Variants in PLEKHG4B observed in about 807,000 individuals in gnomAD.
The protein encoded by PLEKHG4B is pleckstrin homology and RhoGEF domain containing G4B.
A neutral mutation model predicts 121.3 loss-of-function variants in PLEKHG4B; 111 were observed. The ratio of observed to expected loss-of-function variants is 0.92; its 90% CI spans 0.78 to 1.07. The LOEUF (loss-of-function observed/expected upper bound fraction) is 1.07. Ranked by LOEUF, PLEKHG4B falls within the 50% of genes least tolerant of loss-of-function variation. PLEKHG4B has a pLI of 0.00. For synonymous variants in PLEKHG4B, 738 were observed against 725.0 expected (o/e 1.02, Z -0.29); for missense variants, 1,831 against 1,757.8 (o/e 1.04, Z -0.74).
At chr5:135,430 G>A (rs1191604987) in intron 2 of PLEKHG4B, among the ~76,000 whole-genome samples, 1 of 150,250 alleles carries the variant, frequency 6.7e-6, no homozygotes, top group Non-Finnish European at 1.5e-5. Flanking sequence ...ACTTTGGGAG[G>A]CCGAGGTGGC....
Position 137,333 on chromosome 5 carries a change from G to GA in PLEKHG4B, c.244-2149dup, listed in dbSNP as rs1290057485. Among the ~76,000 whole-genome samples, 1 of 152,180 alleles carries GA rather than the reference G, an allele frequency of 6.6e-6. No homozygotes were observed. Among genetic ancestry groups the GA allele is most frequent in the Admixed American group, 6.5e-5 (1 of 15,280 alleles). ...GATGGAAAGTTCTGGAGATGGTGGT[G>GA]ATGGTTACATAACCGTGTGAATGTA... On this transcript the variant is annotated intron_variant, in intron 2 of 19. Transcript: ENST00000637938. The surrounding 1 kb of genome is among the most constrained non-coding windows in gnomAD (Gnocchi z 4.2).
chr5:139,210 T>G lies in PLEKHG4B; in HGVS notation c.244-273T>G, dbSNP rs1258439957. Among the ~76,000 whole-genome samples the G allele has an allele frequency of 6.6e-6, 1 of 152,204 alleles. No individual in the cohort carries two copies. The highest frequency in any genetic ancestry group is 1.5e-5 in the Non-Finnish European group (1 of 68,034). ...CTGTGGCTGTGGCCCTCGAGTGGCC[T>G]CCTCTCCCCTGTCCTGCCCACCTAC... On this transcript the variant is annotated intron_variant, in intron 2 of 19. Transcript: ENST00000637938. This position sits in a 1 kb window ranked among gnomAD's most constrained non-coding sequence, Gnocchi z 5.0.
Position 154,246 on chromosome 5 carries a change from C to T in PLEKHG4B, c.1993-629C>T, listed in dbSNP as rs529792233. Among the ~76,000 whole-genome samples, 18 of 152,286 alleles carry T rather than the reference C, an allele frequency of 1.2e-4. No individual in the cohort carries two copies. In the South Asian group the frequency reaches 3.3e-3, roughly 28 times the overall value. The stretch of plus-strand genomic sequence containing the variant: ...TCCTCGATCTCCTGACCTCATTATC[C>T]GCCTGCCTCGGCCTCCCAAAGTGCT... On this transcript the variant is annotated intron_variant, in intron 7 of 19. Transcript: ENST00000637938.
chr5:137,051 A>G lies in PLEKHG4B; in HGVS notation c.244-2432A>G, dbSNP rs114718493. 6.0e-3 allele frequency among the ~76,000 whole-genome samples: 920 copies of G among 152,340 alleles called. 6 individuals carry two copies. The highest frequency in any genetic ancestry group is 0.017 in the South Asian group (82 of 4,824). On this transcript the variant is annotated intron_variant, in intron 2 of 19. Transcript: ENST00000637938. The surrounding 1 kb of genome is among the most constrained non-coding windows in gnomAD (Gnocchi z 4.2). ...GGATGAATGGATAGCAAAATATAGT[A>G]TGTACACGCAATGGAAGATTATGCA...
At chr5:96,574 T>A (rs534523699) in intron 1 of PLEKHG4B, among the ~76,000 whole-genome samples, 1 of 152,252 alleles carries the variant, frequency 6.6e-6, no homozygotes, top group Non-Finnish European at 1.5e-5. Context: ...TGAGTTTTCT[T>A]TATGGATTGT....
intron 2 of PLEKHG4B, among the ~76,000 whole-genome samples, chr5:118,026 C>T (rs1734353688): frequency 6.6e-6 from 1 of 152,056 alleles, no homozygotes; most frequent in Non-Finnish European, 1.5e-5. Context: ...AAGTAAAAAG[C>T]ACAATGTCTG....
chr5:111,334 G>T (rs1160627366), intron 1 of PLEKHG4B, among the ~76,000 whole-genome samples: 1 of 152,258 alleles, frequency 6.6e-6, no homozygotes, highest in African/African-American at 2.4e-5. Flanking sequence ...GGCCCCAGTG[G>T]GAGTCATCCT....
Position 169,541 on chromosome 5 carries a change from G to A in PLEKHG4B, c.3678G>A (p.Leu1226=). 1.9e-6 allele frequency: 3 copies of A among 1,613,970 alleles called. No homozygotes were observed. The highest frequency in any genetic ancestry group is 1.7e-6 in the Non-Finnish European group (2 of 1,180,050). ...DFHQQHFLRE[L]ERCQHCPLAV... is the part of the protein sequence containing the mutation. ...ACCAGCAGCACTTCCTCCGGGAGCT[G>A]GAGCGCTGCCAGCACTGCCCCTTGG... Residue 1226 remains leucine (L), a synonymous_variant, in exon 14 of 20, where the codon CTG becomes CTA. Transcript: ENST00000637938.
intron 1 of PLEKHG4B, among the ~76,000 whole-genome samples, chr5:110,155 G>A (rs12522084): frequency 0.22 from 27,075 of 122,374 alleles, 3,478 homozygotes; most frequent in African/African-American, 0.42. Context: ...CACACATCCA[G>A]TCTGCAACAC....
intron 13 of PLEKHG4B, among the ~76,000 whole-genome samples, chr5:167,472 C>T (rs1579318775): frequency 7.1e-6 from 1 of 140,492 alleles, no homozygotes; most frequent in East Asian, 1.9e-4. Context: ...CCATTGGTAT[C>T]ATCAGGATCG....
At chr5:110,223 ATGCACACAC>A (rs1734103619) in intron 1 of PLEKHG4B, among the ~76,000 whole-genome samples, 2 of 136,420 alleles carry the variant, frequency 1.5e-5, no homozygotes, top group Admixed American at 7.4e-5. Flanking sequence ...TCTGCAACAC[ATGCACACAC>A]CGGCCACTCT....
intron 2 of PLEKHG4B, among the ~76,000 whole-genome samples, chr5:121,588 G>A (rs1211802235): frequency 6.6e-6 from 1 of 152,172 alleles, no homozygotes; most frequent in Non-Finnish European, 1.5e-5. Context: ...CTGAATCCAG[G>A]AAGCTCGTCA....
chr5:147,036 A>G (rs1735443234), intron 6 of PLEKHG4B, among the ~76,000 whole-genome samples: 1 of 152,198 alleles, frequency 6.6e-6, no homozygotes, highest in Admixed American at 6.5e-5. Context: ...ACTCCCTGAC[A>G]GGGTGGCTGG....
intron 1 of PLEKHG4B, among the ~76,000 whole-genome samples, chr5:106,446 A>G (rs1007351233): frequency 6.6e-6 from 1 of 152,226 alleles, no homozygotes; most frequent in Non-Finnish European, 1.5e-5. Flanking sequence ...ATGCAGAGTT[A>G]TATTAAAATA....
chr5:133,205 G>A (rs1250533338), intron 2 of PLEKHG4B, among the ~76,000 whole-genome samples: 1 of 152,180 alleles, frequency 6.6e-6, no homozygotes, highest in African/African-American at 2.4e-5. Flanking sequence ...CATTGTTAGT[G>A]TGTAGTAGAG....
intron 1 of PLEKHG4B, among the ~76,000 whole-genome samples, chr5:94,613 G>A (rs1733577827): frequency 1.3e-5 from 2 of 151,914 alleles, no homozygotes; most frequent in South Asian, 4.2e-4. Flanking sequence ...GGGGTTGAGA[G>A]GTGGCAGGTT....
rs1736528474 is a variant in PLEKHG4B at position 171,073 on chromosome 5, A to C, written c.3760A>C (p.Ser1254Arg). ...GCAGTTTGGGATGTACGTGATCTAC[A>C]GCAAAAACAAGCCGCAGTCGGATGC... ...EEQFGMYVIY[S>R]KNKPQSDALL... Residue 1254 changes from serine to arginine, a missense_variant, in exon 15 of 20, where the codon AGC (serine) becomes CGC (arginine). Ser to Arg is a moderately radical substitution (Grantham distance 110). Transcript: ENST00000637938. 2 of 1,613,096 alleles carry C rather than the reference A, an allele frequency of 1.2e-6. No homozygotes were observed. The highest frequency in any genetic ancestry group is 1.7e-6 in the Non-Finnish European group (2 of 1,179,848).
At position 189,948 on chromosome 5, in the gene PLEKHG4B, TA is replaced by T. The variant is rs564172396; in HGVS notation, c.*7630del. 2 of 152,408 alleles carry T rather than the reference TA, an allele frequency of 1.3e-5. No homozygotes were observed. The highest frequency in any genetic ancestry group is 4.1e-4 in the South Asian group (2 of 4,836). The allele number at this position is 152,408 out of a possible 1,614,324, so 9.4% of individuals were successfully genotyped here. ...ACTGAATTGTTAAAAATTTTAATCATAAAAACCAATGGAACATGTTTTTCTA... is the reference window on the plus strand; with the variant it reads ...ACTGAATTGTTAAAAATTTTAATCATAAAACCAATGGAACATGTTTTTCTA... On this transcript the variant is annotated 3_prime_UTR_variant, in exon 20 of 20. Coordinates refer to ENST00000637938, the MANE Select transcript of PLEKHG4B (RefSeq NM_052909.5).
chr5:96,077 A>G (rs1733620172), intron 1 of PLEKHG4B, among the ~76,000 whole-genome samples: 1 of 152,202 alleles, frequency 6.6e-6, no homozygotes, highest in South Asian at 2.1e-4. Context: ...GGTATAATAG[A>G]CTGAGACAAA....
Sources: gnomAD v4.1 joint callset for allele counts (sites outside exome capture counted in the v4.1 genomes callset) on GRCh38, gnomAD v4.1.1 for gene constraint, Gnocchi (gnomAD v3.1) non-coding constraint, MANE v1.5 for transcripts, NCBI Gene and HGNC (gene_info 2026-07-23, HGNC 2026-07-21) for gene names.